Variants in GRIK2 observed in about 807,000 individuals in gnomAD.
GRIK2 encodes glutamate ionotropic receptor kainate type subunit 2, also known as glutamate receptor ionotropic, kainate 2.
In GRIK2, 32 loss-of-function variants were observed where a neutral mutation model predicts 100.3. The observed-to-expected ratio is 0.32, with a 90% confidence interval of 0.24 to 0.43. GRIK2 has a LOEUF of 0.43. GRIK2 is among the 20% of genes least tolerant of loss of function. The probability of loss-of-function intolerance (pLI) is 1.00; values close to 1 mark genes in which losing one functional copy is unlikely to be tolerated. For synonymous variants in GRIK2, 417 were observed against 389.4 expected (o/e 1.07, Z -0.83); for missense variants, 843 against 1,114.9 (o/e 0.76, Z 3.47).
rs775106844 is a variant in GRIK2 at position 101,488,502 on chromosome 6, A to G, written c.115+89110A>G. On this transcript the variant is annotated intron_variant, in intron 2 of 16. Transcript: ENST00000369134. Reference sequence around the variant, plus strand: ...AGACGAATTTTGTGTGAGGTTTATCAGAGAGATCATCAAGAGAATTATTTT... The same window carrying G: ...AGACGAATTTTGTGTGAGGTTTATCGGAGAGATCATCAAGAGAATTATTTT... Among the ~76,000 whole-genome samples, 156 of 147,022 alleles carry G rather than the reference A, an allele frequency of 1.1e-3. 10 individuals are homozygous for G. The highest frequency in any genetic ancestry group is 2.4e-4 in the Non-Finnish European group (16 of 66,700).
chr6:101,737,470 AAG>A (rs897603421), intron 7 of GRIK2, among the ~76,000 whole-genome samples: 1 of 152,178 alleles, frequency 6.6e-6, no homozygotes, highest in Non-Finnish European at 1.5e-5. Flanking sequence ...GGCAGGCAAA[AAG>A]AGAGAGCTTG....
chr6:102,055,044 A>T (rs1452703468), intron 15 of GRIK2, among the ~76,000 whole-genome samples: 1 of 152,136 alleles, frequency 6.6e-6, no homozygotes, highest in Non-Finnish European at 1.5e-5. Context: ...TCCTTTGTGG[A>T]TTCTTTCTTA....
intron 2 of GRIK2, among the ~76,000 whole-genome samples, chr6:101,597,716 C>T (rs187390544): frequency 2.4e-4 from 37 of 151,740 alleles, no homozygotes; most frequent in African/African-American, 8.7e-4. Context: ...CATTCCTGTG[C>T]ATACTCTGTG....
At chr6:101,581,464 C>T (rs1778094852) in intron 2 of GRIK2, among the ~76,000 whole-genome samples, 1 of 152,176 alleles carries the variant, frequency 6.6e-6, no homozygotes, top group East Asian at 1.9e-4. Flanking sequence ...AGGAAACATC[C>T]AGCATGGGAG....
intron 7 of GRIK2, among the ~76,000 whole-genome samples, chr6:101,743,853 T>C (rs144198348): frequency 3.9e-5 from 6 of 152,152 alleles, no homozygotes; most frequent in Admixed American, 6.6e-5. Flanking sequence ...TGGGAACAGG[T>C]GGTATTTAGT....
intron 2 of GRIK2, among the ~76,000 whole-genome samples, chr6:101,529,965 A>G (rs1327237294): frequency 6.6e-6 from 1 of 152,066 alleles, no homozygotes; most frequent in Non-Finnish European, 1.5e-5. Context: ...CTAAAATTAG[A>G]GAGACATTAA....
At chr6:101,751,390 C>T (rs1290890379) in intron 7 of GRIK2, among the ~76,000 whole-genome samples, 2 of 151,954 alleles carry the variant, frequency 1.3e-5, no homozygotes, top group African/African-American at 2.4e-5. Context: ...ATTTCTTTGT[C>T]CTTCTCACTT....
intron 4 of GRIK2, among the ~76,000 whole-genome samples, chr6:101,637,287 G>A (rs1428125675): frequency 6.6e-6 from 1 of 151,960 alleles, no homozygotes; most frequent in African/African-American, 2.4e-5. Context: ...CACAGTTCCA[G>A]CCATCACTGA....
At chr6:101,732,558 C>A (rs1775347254) in intron 7 of GRIK2, among the ~76,000 whole-genome samples, 1 of 152,010 alleles carries the variant, frequency 6.6e-6, no homozygotes, top group Non-Finnish European at 1.5e-5. Context: ...TTTCCCAAGG[C>A]AAAAGATCAA....
At chr6:101,670,102 TTGAA>T (rs1232885732) in intron 4 of GRIK2, among the ~76,000 whole-genome samples, 1 of 152,042 alleles carries the variant, frequency 6.6e-6, no homozygotes, top group Non-Finnish European at 1.5e-5. Context: ...TTTTAAAACA[TTGAA>T]TGTGAAAAGC....
At chr6:102,012,188 T>G (rs967932860) in intron 14 of GRIK2, among the ~76,000 whole-genome samples, 1 of 152,224 alleles carries the variant, frequency 6.6e-6, no homozygotes, top group African/African-American at 2.4e-5. Context: ...CTATTTATTT[T>G]GTTCTATTGA....
intron 2 of GRIK2, among the ~76,000 whole-genome samples, chr6:101,399,666 G>A (rs1351320610): frequency 2.0e-5 from 3 of 152,254 alleles, no homozygotes; most frequent in Non-Finnish European, 4.4e-5. Context: ...TGATGATGAC[G>A]ATGGAGGCAC....
At chr6:101,898,709 C>T (rs1433473505) in intron 12 of GRIK2, among the ~76,000 whole-genome samples, 3 of 151,710 alleles carry the variant, frequency 2.0e-5, no homozygotes, top group Admixed American at 1.3e-4. Flanking sequence ...ACACTTTTTC[C>T]CTGAAAATTA....
chr6:101,945,899 CTCTA>C (rs998776354), intron 14 of GRIK2, among the ~76,000 whole-genome samples: 5 of 136,256 alleles, frequency 3.7e-5, no homozygotes, highest in Admixed American at 1.6e-4. Flanking sequence ...ATAATAGATT[CTCTA>C]TCTACTGTTT....
chr6:101,972,590 C>CTTTTTTTTTTTTTTTTT (rs1209919404), intron 14 of GRIK2, among the ~76,000 whole-genome samples: 21 of 150,780 alleles, frequency 1.4e-4, no homozygotes, highest in East Asian at 2.0e-4. Context: ...TTTGGTCCTA[C>CTTTTTTTTTTTTTTTTT]TTTTATTGCA....
At chr6:101,829,742 C>T (rs1051735884) in intron 10 of GRIK2, among the ~76,000 whole-genome samples, 1 of 151,738 alleles carries the variant, frequency 6.6e-6, no homozygotes, top group Non-Finnish European at 1.5e-5. Flanking sequence ...ACAACAGCAA[C>T]AACAAAATCA....
intron 14 of GRIK2, among the ~76,000 whole-genome samples, chr6:101,940,249 T>G (rs1428805693): frequency 6.6e-6 from 1 of 152,110 alleles, no homozygotes; most frequent in African/African-American, 2.4e-5. Context: ...GGCTTTTGTT[T>G]TAATGAAGCA....
rs550076037 is a variant in GRIK2, at chr6:101,880,944, C to G, written c.1525-8696C>G. Reference sequence around the variant, plus strand: ...AATATGCAACATATTGTCTTCATTTCAGCAACTAAAAATAAAGCAAAACAA... The same window carrying G: ...AATATGCAACATATTGTCTTCATTTGAGCAACTAAAAATAAAGCAAAACAA... On this transcript the variant is annotated intron_variant, in intron 11 of 16. Coordinates refer to ENST00000369134, the MANE Select transcript of GRIK2 (RefSeq NM_021956.5). Among the ~76,000 whole-genome samples the G allele has an allele frequency of 3.3e-5, 5 of 151,958 alleles. No individual in the cohort carries two copies. In the South Asian group the frequency reaches 8.3e-4, roughly 25 times the overall value.
At chr6:101,546,892 G>A (rs1776268870) in intron 2 of GRIK2, among the ~76,000 whole-genome samples, 1 of 137,842 alleles carries the variant, frequency 7.3e-6, no homozygotes, top group Non-Finnish European at 1.6e-5. Context: ...GTGCAGTGGC[G>A]GGATCTCGGC....
Sources: gnomAD v4.1 joint callset for allele counts (sites outside exome capture counted in the v4.1 genomes callset) on GRCh38, gnomAD v4.1.1 for gene constraint, MANE v1.5 for transcripts, NCBI Gene and HGNC (gene_info 2026-07-23, HGNC 2026-07-21) for gene names.